TMEM91: variants seen among roughly 807,000 people sequenced by gnomAD.
TMEM91 encodes dispanin subfamily C member 3.
In TMEM91, 6 loss-of-function variants were observed where a neutral mutation model predicts 13.3. The observed-to-expected ratio is 0.45, with a 90% CI of 0.25 to 0.89. The LOEUF (loss-of-function observed/expected upper bound fraction) is 0.89, where lower values mean the gene tolerates loss of function less well. TMEM91 is among the 40% of genes least tolerant of loss of function. The probability of loss-of-function intolerance (pLI) is 0.19; values close to 1 mark genes in which losing one functional copy is unlikely to be tolerated. For synonymous variants in TMEM91, 87 were observed against 101.7 expected, an observed-to-expected ratio of 0.86 and a Z score of 0.87; for missense variants, 193 against 228.7, an observed-to-expected ratio of 0.84 and a Z score of 1.01.
At chr19:41,365,333 A>G (rs1301275954) in intron 1 of TMEM91, among the ~76,000 whole-genome samples, 1 of 152,272 alleles carries the variant, frequency 6.6e-6, no homozygotes, top group Middle Eastern at 3.4e-3. Flanking sequence ...GCATATATCA[A>G]CTAGTGAAGT....
At chr19:41,365,556 C>A (rs1027634792) in intron 1 of TMEM91, among the ~76,000 whole-genome samples, 2 of 151,788 alleles carry the variant, frequency 1.3e-5, no homozygotes, top group Non-Finnish European at 2.9e-5. Context: ...AGGCGTGCAC[C>A]ACCACACCCA....
chr19:41,374,577 CAT>C (rs1337119036), upstream of TMEM91, among the ~76,000 whole-genome samples: 2 of 152,140 alleles, frequency 1.3e-5, no homozygotes, highest in African/African-American at 4.8e-5. Context: ...AAGTACTCTA[CAT>C]ATGTTATCAC....
upstream of TMEM91, among the ~76,000 whole-genome samples, chr19:41,371,931 G>A (rs2038631213): frequency 6.6e-6 from 1 of 151,810 alleles, no homozygotes; most frequent in East Asian, 1.9e-4. Flanking sequence ...CTATAGTGCA[G>A]TGGCTATCAC....
At chr19:41,371,462 C>G (rs1272910994) in intron 1 of TMEM91, among the ~76,000 whole-genome samples, 4 of 150,526 alleles carry the variant, frequency 2.7e-5, no homozygotes, top group African/African-American at 9.8e-5. Context: ...GCTCTGTCTC[C>G]AGGCTGGAGT....
intron 1 of TMEM91, among the ~76,000 whole-genome samples, chr19:41,366,052 C>CTTT (rs11375696): frequency 5.0e-4 from 53 of 105,814 alleles, no homozygotes; most frequent in Non-Finnish European, 6.3e-4. Flanking sequence ...TATTTATTTA[C>CTTT]TTTTTTTTTT....
intron 1 of TMEM91, among the ~76,000 whole-genome samples, chr19:41,369,005 A>G (rs937070131): frequency 1.3e-5 from 2 of 151,872 alleles, no homozygotes; most frequent in East Asian, 2.0e-4. Flanking sequence ...AGTCCCAGCT[A>G]CTCTGGTGGC....
chr19:41,384,010 C>T lies in TMEM91; in HGVS notation c.*137C>T, dbSNP rs929994846. On this transcript the variant is annotated 3_prime_UTR_variant, in exon 4 of 4. Coordinates refer to ENST00000392002, the MANE Select transcript of TMEM91 (RefSeq NM_001098821.2). ...AAACGGGAGCGAGCTGGACTGGAAC[C>T]CTTCCCCTTCCTGGCCACCGCTCTT... The T allele has an allele frequency of 2.9e-6, 4 of 1,403,066 alleles. No individual in the cohort carries two copies. In the African/African-American group the frequency reaches 4.5e-5, roughly 16 times the overall value. 86.9% of individuals were successfully genotyped at this position (1,403,066 alleles called of 1,614,324 possible). A position where few individuals can be genotyped will look rare whatever the true frequency, so the allele number is the denominator to read the frequency against.
intron 1 of TMEM91, among the ~76,000 whole-genome samples, chr19:41,369,548 G>A (rs2038581590): frequency 6.6e-6 from 1 of 151,136 alleles, no homozygotes. Flanking sequence ...CTCATGCCTG[G>A]ATTCCCAGCA....
At chr19:41,371,573 C>T (rs1458421053), upstream of TMEM91, among the ~76,000 whole-genome samples, 4 of 151,706 alleles carry the variant, frequency 2.6e-5, no homozygotes, top group Non-Finnish European at 5.9e-5. Context: ...GCGCACACCA[C>T]CAAGTCCAGC....
chr19:41,383,876 GC>G lies in TMEM91; in HGVS notation c.*7del, dbSNP rs757674912. On this transcript the variant is annotated 3_prime_UTR_variant, in exon 4 of 4. Transcript: ENST00000392002. ...TTGCCTCCCGAGACCCGCCCTAGTT[GC>G]CCCTACAGCCCTCACTGTGAACCCT... 1.3e-5 allele frequency: 21 copies of G among 1,603,948 alleles called. No homozygotes were observed. The East Asian group carries it at 4.3e-4, about 33-fold the overall frequency.
Position 41,378,406 on chromosome 19 carries a change from T to TC in TMEM91, c.102dup (p.Arg36LysfsTer33). On this transcript the variant is annotated frameshift_variant, in exon 2 of 4. Transcript: ENST00000392002. LOFTEE classifies it high-confidence loss of function. ...GAAGCCTGGCAGGCATGAGCTGGGG[T>TC]CCCCCTTAAGAGAGATAGCCTTTGC... 6.2e-7 allele frequency: 1 copy of TC among 1,614,008 alleles called. No homozygotes were observed. Among genetic ancestry groups the TC allele is most frequent in the South Asian group, 1.1e-5 (1 of 91,072 alleles).
At chr19:41,383,068 G>T in intron 3 of TMEM91, 147 bp downstream of exon 3, 9 of 1,213,136 alleles carry the variant, frequency 7.4e-6, no homozygotes, top group Admixed American at 2.4e-5. Context: ...CTCTCTGCAA[G>T]ATTTTTTTTG....
At chr19:41,379,353 G>A (rs1432173184) in intron 2 of TMEM91, among the ~76,000 whole-genome samples, 67 of 145,054 alleles carry the variant, frequency 4.6e-4, no homozygotes, top group African/African-American at 1.6e-3. Flanking sequence ...CCGAAAATTA[G>A]AAAGACCCCA....
At chr19:41,367,908 G>A (rs1358743489) in intron 1 of TMEM91, among the ~76,000 whole-genome samples, 1 of 152,156 alleles carries the variant, frequency 6.6e-6, no homozygotes, top group Non-Finnish European at 1.5e-5. Flanking sequence ...TGGGGTTACA[G>A]ATGTGAGGCC....
chr19:41,374,919 G>T (rs1014975853), upstream of TMEM91, among the ~76,000 whole-genome samples: 1 of 152,114 alleles, frequency 6.6e-6, no homozygotes, highest in Non-Finnish European at 1.5e-5. Flanking sequence ...GGAGGCGGAG[G>T]TTGCGGTGAG....
upstream of TMEM91, chr19:41,374,480 T>G (rs947361520): frequency 3.9e-5 from 6 of 152,360 alleles, no homozygotes; most frequent in South Asian, 1.0e-3. Context: ...TTTTTATTTT[T>G]TATTTTTCTA....
Position 41,382,840 on chromosome 19 carries a change from C to A in TMEM91, c.279C>A (p.His93Gln). ...GGSRLSPFLP[H>Q]DHLGLAVFSM... ...GCCGTCTTTCACCATTTCTACCCCA[C>A]GACCACCTCGGCTTGGCTGTCTTCT... The change falls in exon 3 of 4, where the codon CAC becomes CAA. Residue 93 changes from histidine to glutamine, a missense_variant. His to Gln is a conservative substitution (Grantham distance 24). Coordinates refer to ENST00000392002, the MANE Select transcript of TMEM91 (RefSeq NM_001098821.2). The A allele has an allele frequency of 6.2e-7, 1 of 1,614,206 alleles. No individual in the cohort carries two copies. The highest frequency in any genetic ancestry group is 8.5e-7 in the Non-Finnish European group (1 of 1,180,040).
intron 3 of TMEM91, 74 bp from the exon 4 acceptor site, chr19:41,383,641 G>C: frequency 6.2e-7 from 1 of 1,614,120 alleles, no homozygotes. Flanking sequence ...GGGTATGTTG[G>C]GTGGGGGAGG....
intron 2 of TMEM91, among the ~76,000 whole-genome samples, chr19:41,380,259 C>G (rs918911159): frequency 6.6e-6 from 1 of 152,092 alleles, no homozygotes; most frequent in Non-Finnish European, 1.5e-5. Context: ...AGCATAACGG[C>G]TTCAGGGCAG....
Sources: gnomAD v4.1 joint callset for allele counts (sites outside exome capture counted in the v4.1 genomes callset) on GRCh38, gnomAD v4.1.1 for gene constraint, MANE v1.5 for transcripts, NCBI Gene and HGNC (gene_info 2026-07-23, HGNC 2026-07-21) for gene names.